The following PTPDC1 variants were observed in gnomAD, a reference collection of about 807,000 sequenced individuals.
The protein encoded by PTPDC1 is protein tyrosine phosphatase domain containing 1, also known as protein tyrosine phosphatase domain-containing protein 1.
Under a neutral mutation model 75.3 loss-of-function variants are expected in PTPDC1, and 53 were observed. The ratio of observed to expected loss-of-function variants is 0.70; its 90% CI spans 0.56 to 0.88. The LOEUF (loss-of-function observed/expected upper bound fraction) is 0.88. Ranked by LOEUF, PTPDC1 falls within the 40% of genes least tolerant of loss-of-function variation. The probability of loss-of-function intolerance (pLI) is 0.00; values close to 1 mark genes in which losing one functional copy is unlikely to be tolerated. For synonymous variants in PTPDC1, 349 were observed against 366.2 expected (o/e 0.95, Z 0.54); for missense variants, 925 against 998.6 (o/e 0.93, Z 0.99).
At chr9:94,092,978 C>T (rs558934974) in intron 4 of PTPDC1, among the ~76,000 whole-genome samples, 1 of 151,100 alleles carries the variant, frequency 6.6e-6, no homozygotes, top group Admixed American at 6.6e-5. Context: ...CTCTATGTGT[C>T]TCTGCACGTG....
chr9:94,104,159 A>G (rs1466765976), intron 7 of PTPDC1, 116 bp from the exon 8 acceptor site: 1 of 571,882 alleles, frequency 1.7e-6, no homozygotes, highest in Non-Finnish European at 3.1e-6. Context: ...ATATTTTGGC[A>G]TTTGACATTA....
At chr9:94,060,861 A>T (rs191839130) in intron 1 of PTPDC1, among the ~76,000 whole-genome samples, 52 of 152,286 alleles carry the variant, frequency 3.4e-4, no homozygotes, top group Non-Finnish European at 1.5e-4. Context: ...TTACAATTCC[A>T]CATGAGAGTT....
chr9:94,093,845 T>C (rs1827425809), intron 4 of PTPDC1, among the ~76,000 whole-genome samples: 2 of 148,448 alleles, frequency 1.3e-5, no homozygotes, highest in Non-Finnish European at 3.0e-5. Flanking sequence ...CATCTTCCAT[T>C]GCTGATACCC....
chr9:94,095,406 C>A lies in PTPDC1; in HGVS notation c.706C>A (p.Gln236Lys). The change falls in exon 5 of 9, where the codon CAG (glutamine) becomes AAG (lysine). Residue 236 changes from glutamine (Q) to lysine (K), a missense_variant. Gln to Lys is a moderately conservative substitution (Grantham distance 53). Coordinates refer to ENST00000620992, the MANE Select transcript of PTPDC1 (RefSeq NM_001253829.2). ...DMVKVMTFAL[Q>K]EGKVAIHCHA... ...GGTGAAGGTGATGACATTTGCCTTACAGGAAGGAAAAGTAGCTATCCATTG... is the reference window on the plus strand; with the variant it reads ...GGTGAAGGTGATGACATTTGCCTTAAAGGAAGGAAAAGTAGCTATCCATTG... 6.2e-7 allele frequency: 1 copy of A among 1,613,576 alleles called. No individual in the cohort carries two copies. Among genetic ancestry groups the A allele is most frequent in the Non-Finnish European group, 8.5e-7 (1 of 1,179,630 alleles).
rs1334454617 is a variant in PTPDC1 at position 94,097,653 on chromosome 9, G to T, written c.1087G>T (p.Asp363Tyr). Residue 363 changes from aspartate (D) to tyrosine (Y), a missense_variant, in exon 6 of 9, where the codon GAT becomes TAT. Transcript: ENST00000620992. ...LAENRPVMMKDVSEGPGLSAE... is the reference protein window; with the variant it reads ...LAENRPVMMKYVSEGPGLSAE... Reference sequence around the variant, plus strand: ...GGAGAACAGGCCAGTGATGATGAAGGATGTGTCCGAAGGACCTGGTCTCTC... The same window carrying T: ...GGAGAACAGGCCAGTGATGATGAAGTATGTGTCCGAAGGACCTGGTCTCTC... 1.2e-6 allele frequency: 2 copies of T among 1,614,110 alleles called. No homozygotes were observed. The highest frequency in any genetic ancestry group is 1.1e-5 in the South Asian group (1 of 91,080).
rs114535113 is a variant in PTPDC1, at chr9:94,043,550, C to G, written c.-7+12423C>G. Among the ~76,000 whole-genome samples the G allele has an allele frequency of 4.8e-4, 73 of 152,214 alleles. No individual in the cohort carries two copies. The East Asian group carries it at 7.5e-3, about 16-fold the overall frequency. ...CTAAATTTCTGAAAATGACTCCCCC[C>G]CTCTACAAAAAATACAATAAATGAG... On this transcript the variant is annotated intron_variant, in intron 1 of 9. Transcript: ENST00000375360.
upstream of PTPDC1, among the ~76,000 whole-genome samples, chr9:94,080,313 G>A (rs1177057749): frequency 1.3e-5 from 2 of 152,116 alleles, no homozygotes; most frequent in African/African-American, 4.8e-5. Flanking sequence ...TATAATTATA[G>A]GTACAGTTGT....
intron 1 of PTPDC1, among the ~76,000 whole-genome samples, chr9:94,042,542 T>A (rs1825455480): frequency 1.3e-5 from 2 of 152,228 alleles, no homozygotes; most frequent in South Asian, 4.1e-4. Flanking sequence ...ACGTTAATTT[T>A]AAAATATTGC....
Position 94,088,261 on chromosome 9 carries a change from G to T in PTPDC1, c.614G>T (p.Gly205Val). The change falls in exon 4 of 9, where the codon GGC (glycine) becomes GTC (valine). Residue 205 changes from glycine to valine, a missense_variant and splice_region_variant. Gly to Val is a moderately radical substitution (Grantham distance 109). Transcript: ENST00000620992. Reference protein sequence around the residue: ...TYLPEAFMEAGIYFYNFGWKD... With the variant: ...TYLPEAFMEAVIYFYNFGWKD... ...CTTCCTGAGGCTTTCATGGAGGCTGGCAGTAAGTTCCTCCCACCCTCCTCT... is the reference window on the plus strand; with the variant it reads ...CTTCCTGAGGCTTTCATGGAGGCTGTCAGTAAGTTCCTCCCACCCTCCTCT... 6.2e-7 allele frequency: 1 copy of T among 1,613,452 alleles called. No individual in the cohort carries two copies. Among genetic ancestry groups the T allele is most frequent in the Non-Finnish European group, 8.5e-7 (1 of 1,179,776 alleles).
intron 1 of PTPDC1, among the ~76,000 whole-genome samples, chr9:94,043,417 A>G (rs1276703580): frequency 6.6e-6 from 1 of 152,226 alleles, no homozygotes; most frequent in Non-Finnish European, 1.5e-5. Context: ...ATTTTAAAAT[A>G]TAGTATCAAA....
intron 4 of PTPDC1, 94 bp from the exon 5 acceptor site, chr9:94,095,223 C>T (rs1827511549): frequency 2.2e-6 from 2 of 895,152 alleles, no homozygotes; most frequent in African/African-American, 3.3e-5. Context: ...CTACATGCCT[C>T]AGTCTCAGTG....
intron 6 of PTPDC1, chr9:94,101,304 T>C: frequency 3.0e-6 from 1 of 331,668 alleles, no homozygotes; most frequent in Non-Finnish European, 5.5e-6. Context: ...TAACCGACCT[T>C]ATCTCAGTCA....
At chr9:94,033,325 G>A (rs10122071) in intron 1 of PTPDC1, among the ~76,000 whole-genome samples, 22,263 of 152,166 alleles carry the variant, frequency 0.15, 1,869 homozygotes, top group East Asian at 0.28. Context: ...AATGATGTAA[G>A]TTGAATAATC....
intron 1 of PTPDC1, among the ~76,000 whole-genome samples, chr9:94,043,455 T>A (rs1447828698): frequency 6.6e-6 from 1 of 152,182 alleles, no homozygotes; most frequent in Non-Finnish European, 1.5e-5. Context: ...AAAATAATTA[T>A]AAAGTTCAAA....
Position 94,097,318 on chromosome 9 carries a change from T to C in PTPDC1, c.755-3T>C. ...TACCAGTCTTCTCTTCTTCACTGTT[T>C]AGGTGTTTTAATAGCCTGTTACTTA... On this transcript the variant is annotated splice_polypyrimidine_tract_variant and splice_region_variant and intron_variant, in intron 5 of 8. Coordinates refer to ENST00000620992, the MANE Select transcript of PTPDC1 (RefSeq NM_001253829.2). 1 of 1,581,304 alleles carries C rather than the reference T, an allele frequency of 6.3e-7. No individual in the cohort carries two copies. The highest frequency in any genetic ancestry group is 8.6e-7 in the Non-Finnish European group (1 of 1,157,896).
At chr9:94,082,022 G>A (rs116755018), upstream of PTPDC1, among the ~76,000 whole-genome samples, 3,880 of 152,222 alleles carry the variant, frequency 0.025, 163 homozygotes, top group African/African-American at 0.089. Flanking sequence ...GGCATCTGTA[G>A]TCCCAGCTAC....
intron 7 of PTPDC1, among the ~76,000 whole-genome samples, chr9:94,102,991 T>TACACACACAC (rs10624415): frequency 2.3e-3 from 336 of 148,964 alleles, no homozygotes; most frequent in South Asian, 5.8e-3. Context: ...CTGCTGTTAC[T>TACACACACAC]ACACACACAC....
chr9:94,093,552 A>G lies in PTPDC1; in HGVS notation c.617-1765A>G, dbSNP rs547189188. The stretch of plus-strand genomic sequence containing the variant: ...TCATTTCAACTTTGGTGAATCTGAC[A>G]ATTATGTGTCTTGGAGTTGCCTTCT... On this transcript the variant is annotated intron_variant, in intron 4 of 8. Transcript: ENST00000620992. 2.6e-5 allele frequency among the ~76,000 whole-genome samples: 4 copies of G among 151,764 alleles called. No homozygotes were observed. In the South Asian group the frequency reaches 8.4e-4, roughly 32 times the overall value.
chr9:94,084,399 G>A, upstream of PTPDC1: 3 of 1,423,636 alleles, frequency 2.1e-6, no homozygotes, highest in South Asian at 1.5e-5. Context: ...TGTCGCCATG[G>A]AAACCAGTCA....
Sources: gnomAD v4.1 joint callset for allele counts (sites outside exome capture counted in the v4.1 genomes callset) on GRCh38, gnomAD v4.1.1 for gene constraint, MANE v1.5 for transcripts, NCBI Gene and HGNC (gene_info 2026-07-23, HGNC 2026-07-21) for gene names.